Variants in CCDC148 observed in about 807,000 individuals in gnomAD.
The protein encoded by CCDC148 is coiled-coil domain-containing protein 148.
A neutral mutation model predicts 85.7 loss-of-function variants in CCDC148; 89 were observed. The ratio of observed to expected loss-of-function variants is 1.04; its 90% CI spans 0.87 to 1.24. CCDC148 has a LOEUF of 1.24. Ranked by LOEUF, CCDC148 falls within the 50% of genes most tolerant of loss-of-function variation. The probability of loss-of-function intolerance (pLI) is 0.00; values close to 1 mark genes in which losing one functional copy is unlikely to be tolerated. For missense variants in CCDC148, 692 were observed against 671.7 expected, an observed-to-expected ratio of 1.03 and a Z score of -0.33; for synonymous variants, 230 against 213.9, an observed-to-expected ratio of 1.08 and a Z score of -0.66.
At chr2:158,421,560 A>G (rs1360273744) in intron 1 of CCDC148, among the ~76,000 whole-genome samples, 1 of 152,230 alleles carries the variant, frequency 6.6e-6, no homozygotes, top group African/African-American at 2.4e-5. Flanking sequence ...GACACAACAT[A>G]CCACCACCTC....
At chr2:158,232,392 T>C (rs183424090) in intron 10 of CCDC148, among the ~76,000 whole-genome samples, 3 of 152,258 alleles carry the variant, frequency 2.0e-5, no homozygotes, top group Non-Finnish European at 4.4e-5. Flanking sequence ...TTGTAATCTT[T>C]CAGATTTTTT....
At chr2:158,445,811 A>G (rs1183390735) in intron 1 of CCDC148, among the ~76,000 whole-genome samples, 2 of 152,082 alleles carry the variant, frequency 1.3e-5, no homozygotes, top group Admixed American at 6.5e-5. Context: ...AAGTACAAGA[A>G]AAAATATAGT....
chr2:158,227,650 C>T (rs1687619819), intron 10 of CCDC148, among the ~76,000 whole-genome samples: 2 of 152,132 alleles, frequency 1.3e-5, no homozygotes, highest in Non-Finnish European at 2.9e-5. Flanking sequence ...AGAAATAATG[C>T]CGCATATCTA....
intron 2 of CCDC148, among the ~76,000 whole-genome samples, chr2:158,352,093 G>A (rs868215118): frequency 6.9e-6 from 1 of 145,926 alleles, no homozygotes; most frequent in Middle Eastern, 3.4e-3. Flanking sequence ...CATCATCAAA[G>A]ACCAAAAGTA....
At chr2:158,345,814 A>G (rs1682968125) in intron 2 of CCDC148, among the ~76,000 whole-genome samples, 5 of 152,192 alleles carry the variant, frequency 3.3e-5, no homozygotes, top group Admixed American at 3.3e-4. Flanking sequence ...ATTGGCTTCT[A>G]TCTGATCCCT....
intron 1 of CCDC148, among the ~76,000 whole-genome samples, chr2:158,435,811 A>G (rs1574818420): frequency 6.6e-6 from 1 of 152,184 alleles, no homozygotes. Flanking sequence ...AACAAAAAAA[A>G]GCAGGGGTTG....
At chr2:158,176,340 T>C (rs918931172) in intron 13 of CCDC148, among the ~76,000 whole-genome samples, 181 bp downstream of exon 13, 1 of 152,096 alleles carries the variant, frequency 6.6e-6, no homozygotes, top group Non-Finnish European at 1.5e-5. Context: ...GCCTATTAAC[T>C]AGTTTGTAAT....
intron 9 of CCDC148, among the ~76,000 whole-genome samples, chr2:158,282,004 T>C (rs1690339869): frequency 6.6e-6 from 1 of 151,976 alleles, no homozygotes; most frequent in Admixed American, 6.6e-5. Context: ...ATCCAGCATA[T>C]AAACAGAACA....
At chr2:158,289,185 T>C (rs1690774483) in intron 9 of CCDC148, among the ~76,000 whole-genome samples, 1 of 152,116 alleles carries the variant, frequency 6.6e-6, no homozygotes. Context: ...TTACATAAAA[T>C]ATAAAAGAAC....
intron 2 of CCDC148, among the ~76,000 whole-genome samples, chr2:158,353,086 C>T (rs569964601): frequency 2.6e-5 from 4 of 151,742 alleles, no homozygotes; most frequent in Non-Finnish European, 4.4e-5. Context: ...GCCCTAAACA[C>T]GGAAAAGAAC....
intron 9 of CCDC148, among the ~76,000 whole-genome samples, chr2:158,293,330 C>T (rs1186285352): frequency 6.6e-6 from 1 of 152,220 alleles, no homozygotes; most frequent in Non-Finnish European, 1.5e-5. Flanking sequence ...ACACCTTACA[C>T]TTGTCTGCAC....
intron 9 of CCDC148, among the ~76,000 whole-genome samples, chr2:158,269,673 A>T (rs905374290): frequency 1.3e-5 from 2 of 152,272 alleles, no homozygotes; most frequent in Admixed American, 1.3e-4. Flanking sequence ...AGGATACCTA[A>T]TTGGAATGAA....
At chr2:158,183,099 G>A (rs1684981669) in intron 11 of CCDC148, among the ~76,000 whole-genome samples, 1 of 152,110 alleles carries the variant, frequency 6.6e-6, no homozygotes, top group Non-Finnish European at 1.5e-5. Flanking sequence ...AGTCTACAAA[G>A]GTTGAAAGTG....
At chr2:158,339,314 A>G (rs1206065867) in intron 5 of CCDC148, among the ~76,000 whole-genome samples, 1 of 152,162 alleles carries the variant, frequency 6.6e-6, no homozygotes, top group Non-Finnish European at 1.5e-5. Context: ...GTGCAGTCAC[A>G]GTCACTCTGC....
In CCDC148 at chr2:158,259,750, T is replaced by C. The variant is rs1574496632; in HGVS notation, c.1111-8838A>G. On this transcript the variant is annotated intron_variant, in intron 9 of 13. Coordinates refer to ENST00000283233, the MANE Select transcript of CCDC148 (RefSeq NM_138803.4). ...TTCAAGGTGTATTTGGATGTGACCC[T>C]GTACACATGACTTTATTTCCTATGA... Among the ~76,000 whole-genome samples, 5 of 151,966 alleles carry C rather than the reference T, an allele frequency of 3.3e-5. No individual in the cohort carries two copies. The East Asian group carries it at 9.7e-4, about 29-fold the overall frequency.
chr2:158,448,621 G>A (rs538968250), intron 1 of CCDC148, among the ~76,000 whole-genome samples: 1 of 152,060 alleles, frequency 6.6e-6, no homozygotes, highest in Non-Finnish European at 1.5e-5. Context: ...TGGGATCACA[G>A]GCATGAGCCA....
intron 10 of CCDC148, among the ~76,000 whole-genome samples, chr2:158,239,910 A>G (rs1001328283): frequency 6.6e-6 from 1 of 151,752 alleles, no homozygotes. Context: ...TTTAGTTCCC[A>G]TGTTTGCAGT....
intron 11 of CCDC148, among the ~76,000 whole-genome samples, chr2:158,185,235 T>A (rs1343485629): frequency 1.3e-5 from 2 of 152,138 alleles, no homozygotes; most frequent in African/African-American, 4.8e-5. Context: ...CAGGCTTGGA[T>A]AAGTGCTGGT....
chr2:158,397,219 T>C (rs1192043998), intron 1 of CCDC148, among the ~76,000 whole-genome samples: 1 of 151,780 alleles, frequency 6.6e-6, no homozygotes, highest in Non-Finnish European at 1.5e-5. Flanking sequence ...GGATAAGACC[T>C]CTAAAGATTT....
Sources: gnomAD v4.1 joint callset for allele counts (sites outside exome capture counted in the v4.1 genomes callset) on GRCh38, gnomAD v4.1.1 for gene constraint, MANE v1.5 for transcripts, NCBI Gene and HGNC (gene_info 2026-07-23, HGNC 2026-07-21) for gene names.